The following DAB1 variants were observed in gnomAD, a reference collection of about 807,000 sequenced individuals.
DAB1 encodes DAB adaptor protein 1, also known as disabled homolog 1.
In DAB1, 15 loss-of-function variants were observed where a neutral mutation model predicts 64.6. That is an observed-to-expected ratio of 0.23 (90% CI 0.16 to 0.36). The LOEUF is 0.36. DAB1 is among the 10% of genes least tolerant of loss of function. The pLI is 1.00. For missense variants in DAB1, 596 were observed against 706.7 expected, an observed-to-expected ratio of 0.84 and a Z score of 1.78; for synonymous variants, 235 against 251.9, an observed-to-expected ratio of 0.93 and a Z score of 0.64.
chr1:57,788,436 T>C (rs1569688416), intron 6 of DAB1, among the ~76,000 whole-genome samples: 2 of 152,332 alleles, frequency 1.3e-5, no homozygotes, highest in East Asian at 3.9e-4. Context: ...AAAGGCTACA[T>C]GCTGTGTGAT....
Position 57,080,530 on chromosome 1 carries a change from T to A in DAB1, c.307-8116A>T, listed in dbSNP as rs2100624276. ...CTTCTTCTTAGCAGCTCTCTAAACA[T>A]ATGCTATACACACACCAGTCTAGAA... On this transcript the variant is annotated intron_variant, in intron 4 of 14. Transcript: ENST00000371236. 1.3e-5 allele frequency among the ~76,000 whole-genome samples: 2 copies of A among 152,282 alleles called. 1 individual carries two copies. Among genetic ancestry groups the A allele is most frequent in the South Asian group, 4.1e-4 (2 of 4,822 alleles).
chr1:57,514,189 T>G (rs1558450684), intron 7 of DAB1, among the ~76,000 whole-genome samples: 1 of 152,240 alleles, frequency 6.6e-6, no homozygotes, highest in Non-Finnish European at 1.5e-5. Flanking sequence ...TCAATTCTTT[T>G]GGCTACAAAC....
At chr1:58,130,829 CG>C (rs1653504796) in intron 5 of DAB1, among the ~76,000 whole-genome samples, 1 of 151,694 alleles carries the variant, frequency 6.6e-6, no homozygotes, top group African/African-American at 2.4e-5. Context: ...AGAGATCCGC[CG>C]TTAGTCTGAT....
intron 1 of DAB1, among the ~76,000 whole-genome samples, chr1:57,345,429 C>T (rs1678000061): frequency 6.6e-6 from 1 of 152,154 alleles, no homozygotes; most frequent in Non-Finnish European, 1.5e-5. Flanking sequence ...GAAAATAAGG[C>T]ACATCTCAGA....
chr1:57,555,332 C>T (rs539134544), intron 7 of DAB1, among the ~76,000 whole-genome samples: 21 of 151,450 alleles, frequency 1.4e-4, no homozygotes, highest in African/African-American at 4.6e-4. Context: ...CCCACCTGGC[C>T]GGTATCTTTT....
chr1:57,571,333 GC>G lies in DAB1; in HGVS notation n.625+78258del, dbSNP rs1406434310. ...AGAAGAATCTTAATTATGTAATTCA[GC>G]CCCCTGTGTTCTCCCTGCCTTTAGT... On this transcript the variant is annotated intron_variant and non_coding_transcript_variant, in intron 7 of 20. Coordinates refer to the DAB1 transcript ENST00000485760. Among the ~76,000 whole-genome samples the G allele has an allele frequency of 3.3e-5, 5 of 152,100 alleles. No individual in the cohort carries two copies. The South Asian group carries it at 8.3e-4, about 25-fold the overall frequency.
chr1:57,607,078 C>T (rs1026239516), intron 7 of DAB1, among the ~76,000 whole-genome samples: 6 of 151,868 alleles, frequency 4.0e-5, no homozygotes, highest in Non-Finnish European at 7.4e-5. Flanking sequence ...TGTGAGCCAC[C>T]ATGCCCAGCC....
intron 1 of DAB1, among the ~76,000 whole-genome samples, chr1:57,869,868 T>C (rs1399101592): frequency 6.6e-6 from 1 of 152,172 alleles, no homozygotes; most frequent in Non-Finnish European, 1.5e-5. Context: ...AACCTAATCA[T>C]AACTATCATA....
chr1:57,129,987 G>T (rs1036827195), intron 4 of DAB1, among the ~76,000 whole-genome samples: 1 of 151,772 alleles, frequency 6.6e-6, no homozygotes, highest in African/African-American at 2.4e-5. Flanking sequence ...ACATGCCAGG[G>T]TTTCCTATGC....
intron 2 of DAB1, among the ~76,000 whole-genome samples, chr1:57,146,449 T>C (rs1368859146): frequency 1.3e-5 from 2 of 152,214 alleles, no homozygotes; most frequent in African/African-American, 4.8e-5. Context: ...TTCTCCTTCA[T>C]CATGCTTACT....
At chr1:58,273,833 T>G (rs199994897) in intron 4 of DAB1, among the ~76,000 whole-genome samples, 2 of 112,800 alleles carry the variant, frequency 1.8e-5, no homozygotes, top group African/African-American at 6.9e-5. Context: ...TCTTCACGTA[T>G]TTCTCGAGCC....
At chr1:57,595,703 T>C (rs1160196630) in intron 7 of DAB1, among the ~76,000 whole-genome samples, 1 of 151,856 alleles carries the variant, frequency 6.6e-6, no homozygotes, top group Non-Finnish European at 1.5e-5. Flanking sequence ...GGTGATTTGA[T>C]CCCTGGTGTG....
chr1:58,283,254 A>G (rs929124191), intron 4 of DAB1, among the ~76,000 whole-genome samples: 1 of 152,136 alleles, frequency 6.6e-6, no homozygotes, highest in Admixed American at 6.5e-5. Context: ...GAGAAGAAGA[A>G]TTTGTATTTC....
At chr1:57,993,477 G>C (rs1646378596) in intron 5 of DAB1, among the ~76,000 whole-genome samples, 1 of 152,090 alleles carries the variant, frequency 6.6e-6, no homozygotes, top group Non-Finnish European at 1.5e-5. Context: ...CATTTCTGTA[G>C]CTGTTGATAT....
At chr1:57,629,253 G>A (rs1645959041) in intron 7 of DAB1, among the ~76,000 whole-genome samples, 1 of 152,162 alleles carries the variant, frequency 6.6e-6, no homozygotes, top group Admixed American at 6.5e-5. Flanking sequence ...ACATATGTCA[G>A]AAACACATGC....
chr1:57,498,471 C>T (rs894576819), intron 7 of DAB1, among the ~76,000 whole-genome samples: 1 of 152,120 alleles, frequency 6.6e-6, no homozygotes, highest in Non-Finnish European at 1.5e-5. Context: ...TGTGTCCCAC[C>T]AAAGTGGAGA....
chr1:57,922,811 A>G (rs1328403650), intron 5 of DAB1, among the ~76,000 whole-genome samples: 2 of 125,286 alleles, frequency 1.6e-5, no homozygotes, highest in Non-Finnish European at 3.2e-5. Context: ...GCGCCACTAC[A>G]CTCCAGCCTG....
Position 57,011,196 on chromosome 1 carries a change from G to A in DAB1, c.1521C>T (p.Asp507=), listed in dbSNP as rs369596279. 75 of 1,613,976 alleles carry A rather than the reference G, an allele frequency of 4.6e-5. No individual in the cohort carries two copies. The highest frequency in any genetic ancestry group is 1.6e-4 in the Middle Eastern group (1 of 6,082). ...ASHASDPTTD[D]IFEEGFESPS... is the part of the protein sequence containing the mutation. ...GACTTTCAAAGCCCTCTTCAAAGATGTCATCTGTGGTAGGATCACTGGCAT... is the reference window on the plus strand; with the variant it reads ...GACTTTCAAAGCCCTCTTCAAAGATATCATCTGTGGTAGGATCACTGGCAT... Residue 507 remains aspartate, a synonymous_variant, in exon 13 of 15, where the codon GAC becomes GAT. Coordinates refer to ENST00000371236, the MANE Select transcript of DAB1 (RefSeq NM_001365792.1).
At chr1:57,547,555 G>C (rs1198414569) in intron 7 of DAB1, among the ~76,000 whole-genome samples, 1 of 152,174 alleles carries the variant, frequency 6.6e-6, no homozygotes, top group African/African-American at 2.4e-5. Context: ...CCAAACCACA[G>C]TGGTCTCACT....
Sources: gnomAD v4.1 joint callset for allele counts (sites outside exome capture counted in the v4.1 genomes callset) on GRCh38, gnomAD v4.1.1 for gene constraint, MANE v1.5 for transcripts, NCBI Gene and HGNC (gene_info 2026-07-23, HGNC 2026-07-21) for gene names.